The following PTPRM variants were observed in gnomAD, a reference collection of about 807,000 sequenced individuals.
PTPRM encodes the protein protein tyrosine phosphatase receptor type M.
PTPRM carries 47 observed loss-of-function variants against 186.7 expected under a neutral mutation model. That is an observed-to-expected ratio of 0.25 (90% CI 0.20 to 0.32). The LOEUF (loss-of-function observed/expected upper bound fraction) is 0.32. PTPRM is among the 10% of genes least tolerant of loss of function. The probability of loss-of-function intolerance (pLI) is 1.00; values close to 1 mark genes in which losing one functional copy is unlikely to be tolerated. For synonymous variants in PTPRM, 668 were observed against 674.9 expected (o/e 0.99, Z 0.16); for missense variants, 1,494 against 1,865.0 (o/e 0.80, Z 3.66).
intron 2 of PTPRM, among the ~76,000 whole-genome samples, chr18:7,843,260 T>C (rs1333382214): frequency 6.6e-6 from 1 of 152,134 alleles, no homozygotes; most frequent in Non-Finnish European, 1.5e-5. Context: ...AGAAAGCTTT[T>C]ATGATTTTTC....
chr18:8,183,001 C>A (rs920828559), intron 14 of PTPRM, among the ~76,000 whole-genome samples: 1 of 152,108 alleles, frequency 6.6e-6, no homozygotes, highest in African/African-American at 2.4e-5. Context: ...CTTGCCACAC[C>A]AAGAGTTGTA....
At chr18:8,148,879 T>A (rs1401594327) in intron 14 of PTPRM, among the ~76,000 whole-genome samples, 1 of 152,206 alleles carries the variant, frequency 6.6e-6, no homozygotes, top group East Asian at 1.9e-4. Context: ...TCAAAGAACA[T>A]CTTTATTTCT....
chr18:7,943,795 G>A (rs1313926798), intron 5 of PTPRM, among the ~76,000 whole-genome samples: 1 of 152,074 alleles, frequency 6.6e-6, no homozygotes, highest in Non-Finnish European at 1.5e-5. Context: ...CTCATAAATA[G>A]AACCTTGTGA....
intron 17 of PTPRM, chr18:8,251,492 G>A (rs1412012627): frequency 6.6e-6 from 1 of 152,162 alleles, no homozygotes; most frequent in African/African-American, 2.4e-5. Flanking sequence ...AAATTTCCAG[G>A]TTTATTTGTG....
intron 14 of PTPRM, among the ~76,000 whole-genome samples, chr18:8,237,994 G>C (rs2094366645): frequency 6.6e-6 from 1 of 151,996 alleles, no homozygotes; most frequent in African/African-American, 2.4e-5. Flanking sequence ...TCTGCAATTT[G>C]AATATGATAT....
intron 1 of PTPRM, among the ~76,000 whole-genome samples, chr18:7,716,905 G>A (rs564933500): frequency 1.3e-5 from 2 of 152,288 alleles, no homozygotes; most frequent in South Asian, 4.2e-4. Flanking sequence ...CCCCCATTGT[G>A]GAAGACAGTG....
At chr18:7,898,086 T>C (rs768422292) in intron 3 of PTPRM, among the ~76,000 whole-genome samples, 2 of 152,232 alleles carry the variant, frequency 1.3e-5, no homozygotes, top group Non-Finnish European at 2.9e-5. Context: ...TTGCTCCTGA[T>C]TCTTAATGTG....
At chr18:8,387,456 A>G (rs8092881) in intron 31 of PTPRM, among the ~76,000 whole-genome samples, 1 of 151,200 alleles carries the variant, frequency 6.6e-6, no homozygotes, top group Non-Finnish European at 1.5e-5. Context: ...ACAAGCAAGC[A>G]CTGACCGTTT....
chr18:7,628,510 A>C (rs897483493), intron 1 of PTPRM, among the ~76,000 whole-genome samples: 5 of 152,248 alleles, frequency 3.3e-5, no homozygotes, highest in African/African-American at 1.2e-4. Flanking sequence ...TAAAAGAATT[A>C]GATATTTAAA....
At chr18:7,723,045 A>T (rs1324754548) in intron 1 of PTPRM, among the ~76,000 whole-genome samples, 1 of 152,262 alleles carries the variant, frequency 6.6e-6, no homozygotes, top group Non-Finnish European at 1.5e-5. Context: ...TCAGTGAACT[A>T]GCGTTTGAAG....
intron 5 of PTPRM, among the ~76,000 whole-genome samples, chr18:7,946,612 A>G (rs1185043521): frequency 2.0e-5 from 3 of 152,138 alleles, no homozygotes; most frequent in African/African-American, 7.2e-5. Flanking sequence ...CTCCTGTTGT[A>G]TTATTAATGC....
chr18:7,966,515 G>A (rs538840479), intron 7 of PTPRM, among the ~76,000 whole-genome samples: 11 of 151,606 alleles, frequency 7.3e-5, no homozygotes, highest in East Asian at 5.8e-4. Flanking sequence ...CGCAGAAGAC[G>A]GGTGATTTCT....
chr18:7,570,602 A>T (rs2036543598), intron 1 of PTPRM, among the ~76,000 whole-genome samples: 1 of 152,216 alleles, frequency 6.6e-6, no homozygotes, highest in South Asian at 2.1e-4. Flanking sequence ...GATTGTTAAA[A>T]GTTAGACTTG....
At chr18:7,607,037 C>T (rs1049972069) in intron 1 of PTPRM, among the ~76,000 whole-genome samples, 1 of 151,952 alleles carries the variant, frequency 6.6e-6, no homozygotes, top group Non-Finnish European at 1.5e-5. Flanking sequence ...TGTAGACACT[C>T]AGGTGCCTAA....
chr18:7,945,256 A>C (rs949371339), intron 5 of PTPRM, among the ~76,000 whole-genome samples: 23 of 150,988 alleles, frequency 1.5e-4, no homozygotes, highest in African/African-American at 5.4e-4. Flanking sequence ...GATTGAGACC[A>C]TCCTGGTGAA....
rs566294144 is a variant in PTPRM at position 8,303,266 on chromosome 18, C to T, written c.2842+6811C>T. On this transcript the variant is annotated intron_variant, in intron 20 of 32. Transcript: ENST00000580170. ...AGACTCTGATGTAGTGCTGAGGACA[C>T]GAGGTCCCTTCTGAGGTGGGTTACC... is the stretch of plus-strand genomic sequence containing the variant. Among the ~76,000 whole-genome samples, 19 of 152,178 alleles carry T rather than the reference C, an allele frequency of 1.2e-4. 1 individual carries two copies. Among genetic ancestry groups the T allele is most frequent in the Middle Eastern group, 6.8e-3 (2 of 294 alleles).
At chr18:7,838,411 TATC>T (rs1417249313) in intron 2 of PTPRM, among the ~76,000 whole-genome samples, 2 of 152,308 alleles carry the variant, frequency 1.3e-5, no homozygotes, top group East Asian at 1.9e-4. Context: ...AGCCAAATGA[TATC>T]ATAGAGGTAC....
rs900010292 is a variant in PTPRM at position 7,888,234 on chromosome 18, TCTC to T, written c.330_332del (p.Pro111del). 3.7e-6 allele frequency: 6 copies of T among 1,613,962 alleles called. No individual in the cohort carries two copies. Among genetic ancestry groups the T allele is most frequent in the African/African-American group, 2.7e-5 (2 of 74,882 alleles). ...CTATTTTGTGTCCAGCAAGAGTAAT[TCTC>T]CTCCGGGGTTACTCAATGTCTACGT... On this transcript the variant is annotated inframe_deletion, in exon 3 of 33. Transcript: ENST00000580170.
At position 8,324,768 on chromosome 18, in the gene PTPRM, T is replaced by C. The variant is rs146289895; in HGVS notation, c.2956+5554T>C. 3.4e-3 allele frequency among the ~76,000 whole-genome samples: 511 copies of C among 152,280 alleles called. 4 individuals carry two copies. Among genetic ancestry groups the C allele is most frequent in the African/African-American group, 0.012 (485 of 41,568 alleles). On this transcript the variant is annotated intron_variant, in intron 22 of 32. Coordinates refer to ENST00000580170, the MANE Select transcript of PTPRM (RefSeq NM_001105244.2). ...ATGAGAGGAAAGGAGACAAAGAAAC[T>C]TGAAATAATATGCTCCAAGTCACAG...
Sources: allele counts gnomAD v4.1 joint callset (sites outside exome capture counted in the v4.1 genomes callset), GRCh38; gene constraint gnomAD v4.1.1; transcripts MANE v1.5; gene names NCBI Gene and HGNC (gene_info 2026-07-23, HGNC 2026-07-21).